SMARCA4: variants seen among roughly 807,000 people sequenced by gnomAD.
The protein encoded by SMARCA4 is SWI/SNF related BAF chromatin remodeling complex subunit ATPase 4, also known as SWI/SNF-related matrix-associated actin-dependent regulator of chromatin subfamily A member 4.
A neutral mutation model predicts 193.9 loss-of-function variants in SMARCA4; 31 were observed. The observed-to-expected ratio is 0.16, with a 90% CI of 0.12 to 0.22. The LOEUF (loss-of-function observed/expected upper bound fraction) is 0.22. Ranked by LOEUF, SMARCA4 falls within the 10% of genes least tolerant of loss-of-function variation. SMARCA4 has a pLI of 1.00. For synonymous variants in SMARCA4, 942 were observed against 933.1 expected, an observed-to-expected ratio of 1.01 and a Z score of -0.17; for missense variants, 1,148 against 2,296.0, an observed-to-expected ratio of 0.50 and a Z score of 10.22.
chr19:11,003,799 C>A (rs113373560), intron 13 of SMARCA4, among the ~76,000 whole-genome samples: 9,145 of 151,284 alleles, frequency 0.06, 303 homozygotes, highest in South Asian at 0.11. Context: ...GCAACCTCCA[C>A]CTCCCGGGTT....
intron 24 of SMARCA4, among the ~76,000 whole-genome samples, chr19:11,029,075 C>T (rs2090460298): frequency 1.3e-5 from 2 of 152,208 alleles, no homozygotes; most frequent in African/African-American, 4.8e-5. Context: ...TGTCCAGGAC[C>T]ACTCTACAGA....
At position 11,034,959 on chromosome 19, in the gene SMARCA4, C is replaced by T. The variant is rs1403269611; in HGVS notation, c.3997C>T (p.Arg1333Trp). The change falls in exon 29 of 35, where the codon CGG (arginine) becomes TGG (tryptophan). Residue 1333 changes from arginine to tryptophan, a missense_variant. Coordinates refer to ENST00000344626, the MANE Select transcript of SMARCA4 (RefSeq NM_003072.5). This position sits in a 1 kb window ranked among gnomAD's most constrained non-coding sequence, Gnocchi z 7.0. ...GCGCGAGGAGGCCCGCAACCCCAAG[C>T]GGAAGCCGCGCCTCATGGAGGAGGA... ...RRREEARNPK[R>W]KPRLMEEDEL... 1.3e-6 allele frequency: 2 copies of T among 1,596,234 alleles called. No homozygotes were observed. The highest frequency in any genetic ancestry group is 1.7e-5 in the Admixed American group (1 of 57,256).
At chr19:11,021,208 G>A (rs1052205202) in intron 18 of SMARCA4, 1 of 240,908 alleles carries the variant, frequency 4.2e-6, no homozygotes, top group Admixed American at 5.0e-5. Flanking sequence ...AGTGCTCTTT[G>A]AGTGCGGCCA....
At position 11,034,428 on chromosome 19, in the gene SMARCA4, G is replaced by A. The variant is rs1285468722; in HGVS notation, c.3951+228G>A. On this transcript the variant is annotated intron_variant, in intron 28 of 34. Coordinates refer to ENST00000344626, the MANE Select transcript of SMARCA4 (RefSeq NM_003072.5). The surrounding 1 kb of genome is among the most constrained non-coding windows in gnomAD (Gnocchi z 7.0). ...ACACCCAGCCTTCTGCATGTGACCC[G>A]AGACCTGCCCCACCAGCTCTGTTTT... is the stretch of plus-strand genomic sequence containing the variant. Among the ~76,000 whole-genome samples the A allele has an allele frequency of 2.0e-5, 3 of 152,164 alleles. No individual in the cohort carries two copies. Among genetic ancestry groups the A allele is most frequent in the Non-Finnish European group, 4.4e-5 (3 of 68,014 alleles).
chr19:11,038,904 C>T (rs960290433), intron 29 of SMARCA4, among the ~76,000 whole-genome samples: 4 of 152,156 alleles, frequency 2.6e-5, no homozygotes, highest in Non-Finnish European at 4.4e-5. Flanking sequence ...TTGTCAATAG[C>T]GTTATTTAAA....
chr19:11,018,031 G>A lies in SMARCA4; in HGVS notation c.2439-926G>A, dbSNP rs756823744. Among the ~76,000 whole-genome samples the A allele has an allele frequency of 2.0e-4, 31 of 152,230 alleles. 1 individual carries two copies. The highest frequency in any genetic ancestry group is 1.9e-3 in the Admixed American group (29 of 15,282). On this transcript the variant is annotated intron_variant, in intron 16 of 34. Transcript: ENST00000344626. Reference sequence around the variant, plus strand: ...TCCCCAGCCTTCACCACAGCCATGCGTCCTTCTGTCTATTGGCTGTGCCGC... The same window carrying A: ...TCCCCAGCCTTCACCACAGCCATGCATCCTTCTGTCTATTGGCTGTGCCGC...
chr19:11,019,496 G>T lies in SMARCA4; in HGVS notation c.2506-95G>T. The T allele has an allele frequency of 1.3e-6, 1 of 767,476 alleles. No individual in the cohort carries two copies. The allele number at this position is 767,476 out of a possible 1,614,324, so 47.5% of individuals were successfully genotyped here. A position where few individuals can be genotyped will look rare whatever the true frequency, so the allele number is the denominator to read the frequency against. On this transcript the variant is annotated intron_variant, in intron 17 of 34. Coordinates refer to ENST00000344626, the MANE Select transcript of SMARCA4 (RefSeq NM_003072.5). The surrounding 1 kb of genome is among the most constrained non-coding windows in gnomAD (Gnocchi z 6.1). ...CCCTGTGAGGACGAGCCCTCCCGCC[G>T]TGTCACTGGGCAGTTGCAGGGGGTG...
chr19:10,990,232 T>C lies in SMARCA4; in HGVS notation c.1245+789T>C, dbSNP rs113032056. 5.4e-3 allele frequency among the ~76,000 whole-genome samples: 816 copies of C among 152,256 alleles called. 13 individuals are homozygous for C. Among genetic ancestry groups the C allele is most frequent in the African/African-American group, 0.017 (699 of 41,558 alleles). Reference sequence around the variant, plus strand: ...GCAGTGGTGCCATCTCACCCCACTGTGGCCTCTGCCTCTGTGGTTCAAGTG... The same window carrying C: ...GCAGTGGTGCCATCTCACCCCACTGCGGCCTCTGCCTCTGTGGTTCAAGTG... On this transcript the variant is annotated intron_variant, in intron 7 of 34. Coordinates refer to ENST00000344626, the MANE Select transcript of SMARCA4 (RefSeq NM_003072.5).
At chr19:11,059,558 G>A (rs1217275233) in intron 32 of SMARCA4, among the ~76,000 whole-genome samples, 195 bp from the exon 33 acceptor site, 28 of 152,220 alleles carry the variant, frequency 1.8e-4, no homozygotes. Flanking sequence ...CTGATGCTCG[G>A]GCCCCTATGG....
At chr19:11,052,228 T>C (rs760715703) in intron 30 of SMARCA4, among the ~76,000 whole-genome samples, 28 of 152,152 alleles carry the variant, frequency 1.8e-4, no homozygotes, top group Non-Finnish European at 3.4e-4. Flanking sequence ...ACATCAACAA[T>C]AGGCAGATTT....
In SMARCA4 at chr19:10,985,354, G is replaced by T. The variant is rs779627018; in HGVS notation, c.304G>T (p.Gly102Cys). The T allele has an allele frequency of 3.7e-6, 6 of 1,613,906 alleles. No individual in the cohort carries two copies. The South Asian group carries it at 6.6e-5, about 18-fold the overall frequency. ...GAAAGGAATGGGGATGCGGTCAGGG[G>T]GCCATGCTGGGATGGGGCCCCCGCC... is the stretch of plus-strand genomic sequence containing the variant. ...QMKGMGMRSG[G>C]HAGMGPPPSP... Residue 102 changes from glycine to cysteine, a missense_variant, in exon 3 of 35, where the codon GGC becomes TGC. Physicochemically the swap from Gly to Cys is radical, Grantham distance 159 (BLOSUM62 -3). Coordinates refer to ENST00000344626, the MANE Select transcript of SMARCA4 (RefSeq NM_003072.5). This position sits in a 1 kb window ranked among gnomAD's most constrained non-coding sequence, Gnocchi z 4.5.
At chr19:11,022,161 G>A (rs912261583) in intron 19 of SMARCA4, among the ~76,000 whole-genome samples, 194 bp downstream of exon 19, 13 of 152,234 alleles carry the variant, frequency 8.5e-5, no homozygotes, top group Admixed American at 3.9e-4. Context: ...GAGCAGGGCA[G>A]AGGTCATGGT....
chr19:10,976,544 C>T (rs1246120685), intron 1 of SMARCA4, among the ~76,000 whole-genome samples: 2 of 151,968 alleles, frequency 1.3e-5, no homozygotes, highest in Admixed American at 1.3e-4. Flanking sequence ...TCACTTGAGC[C>T]CAGGTGTTTG....
chr19:11,026,828 G>T (rs1003459797), intron 23 of SMARCA4, among the ~76,000 whole-genome samples: 1 of 152,170 alleles, frequency 6.6e-6, no homozygotes, highest in African/African-American at 2.4e-5. Flanking sequence ...TGCTTGGAGA[G>T]CTGACCACTA....
chr19:10,991,043 T>TAAAATGC (rs1370314074), intron 7 of SMARCA4, 107 bp from the exon 8 acceptor site: 1 of 1,554,064 alleles, frequency 6.4e-7, no homozygotes, highest in Non-Finnish European at 8.7e-7. Flanking sequence ...GTAAGGCACT[T>TAAAATGC]ACAATGCTCC....
In SMARCA4 at chr19:11,041,379, C is replaced by T. The variant is rs878854224; in HGVS notation, c.4243C>T (p.Arg1415Ter). 6.2e-7 allele frequency: 1 copy of T among 1,612,584 alleles called. No individual in the cohort carries two copies. The highest frequency in any genetic ancestry group is 1.3e-5 in the African/African-American group (1 of 75,030). The change falls in exon 30 of 35, where the codon CGA (arginine) becomes TGA (stop). Residue 1415 changes from arginine (R) to a stop codon, truncating the protein, a stop_gained. Transcript: ENST00000344626. LOFTEE classifies it high-confidence loss of function. This position sits in a 1 kb window ranked among gnomAD's most constrained non-coding sequence, Gnocchi z 5.6. Reference sequence around the variant, plus strand: ...GAAGAAATCATCACGGAAGCGCAAGCGAGACAGCGACGCCGGCTCCTCCAC... The same window carrying T: ...GAAGAAATCATCACGGAAGCGCAAGTGAGACAGCGACGCCGGCTCCTCCAC... ...RQKKSSRKRK[R>*]DSDAGSSTPT... is the part of the protein sequence containing the mutation.
intron 21 of SMARCA4, 133 bp from the exon 22 acceptor site, chr19:11,025,289 T>C (rs1394271713): frequency 4.3e-6 from 3 of 693,694 alleles, no homozygotes; most frequent in Admixed American, 4.0e-5. Context: ...TCACTCCCAA[T>C]TGCTGTGCCA....
chr19:11,059,439 T>C (rs1175192183), intron 32 of SMARCA4, among the ~76,000 whole-genome samples: 1 of 152,242 alleles, frequency 6.6e-6, no homozygotes, highest in African/African-American at 2.4e-5. Context: ...AAGGGGCATG[T>C]ATTTCCAATG....
Position 10,986,338 on chromosome 19 carries a change from C to T in SMARCA4, c.505C>T (p.Pro169Ser), listed in dbSNP as rs142886157. 35 of 1,613,106 alleles carry T rather than the reference C, an allele frequency of 2.2e-5. No homozygotes were observed. Among genetic ancestry groups the T allele is most frequent in the Middle Eastern group, 3.3e-4 (2 of 6,084 alleles). Residue 169 changes from proline (P) to serine (S), a missense_variant, in exon 4 of 35, where the codon CCA (proline) becomes TCA (serine). Coordinates refer to ENST00000344626, the MANE Select transcript of SMARCA4 (RefSeq NM_003072.5). This position sits in a 1 kb window ranked among gnomAD's most constrained non-coding sequence, Gnocchi z 6.7. ...GGCCTTGGGGCAGCAGAACCGGGGC[C>T]CAACCCCATTTAACCAGAACCAGCT... ...PQALGQQNRG[P>S]TPFNQNQLHQ...
Sources: allele counts gnomAD v4.1 joint callset (sites outside exome capture counted in the v4.1 genomes callset), GRCh38; gene constraint gnomAD v4.1.1; non-coding constraint Gnocchi (gnomAD v3.1); transcripts MANE v1.5; gene names NCBI Gene and HGNC (gene_info 2026-07-23, HGNC 2026-07-21).